The following GPR39 variants were observed in gnomAD, a reference collection of about 807,000 sequenced individuals.
GPR39 encodes the protein zinc sensing receptor.
Under a neutral mutation model 18.4 loss-of-function variants are expected in GPR39, and 23 were observed. That is an observed-to-expected ratio of 1.25 (90% CI 0.90 to 1.77). The LOEUF (loss-of-function observed/expected upper bound fraction) is 1.77. Among genes scored for constraint, GPR39 ranks in the 40% most tolerant of loss-of-function variants. GPR39 has a pLI of 0.00. For missense variants in GPR39, 647 were observed against 602.4 expected (o/e 1.07, Z -0.78); for synonymous variants, 280 against 257.9 (o/e 1.09, Z -0.82).
In GPR39 at chr2:132,468,108, C is replaced by CT. The variant is rs888173993; in HGVS notation, c.856+50219dup. ...CTGATACTTGGCATGATGGGAAATT[C>CT]TTTTTTTTTCTGCTAATATTTGTGC... is the stretch of plus-strand genomic sequence containing the variant. On this transcript the variant is annotated intron_variant, in intron 1 of 1. Coordinates refer to ENST00000329321, the MANE Select transcript of GPR39 (RefSeq NM_001508.3). Among the ~76,000 whole-genome samples, 60 of 151,682 alleles carry CT rather than the reference C, an allele frequency of 4.0e-4. 2 individuals are homozygous for CT. In the South Asian group the frequency reaches 0.012, roughly 31 times the overall value.
intron 1 of GPR39, among the ~76,000 whole-genome samples, chr2:132,539,666 C>T (rs1679827128): frequency 6.6e-6 from 1 of 152,158 alleles, no homozygotes; most frequent in Non-Finnish European, 1.5e-5. Flanking sequence ...TTGGGGAGTG[C>T]TTGCCTGGGT....
intron 1 of GPR39, among the ~76,000 whole-genome samples, chr2:132,591,287 A>AAAAC (rs1680838494): frequency 5.4e-5 from 8 of 147,498 alleles, no homozygotes; most frequent in African/African-American, 1.8e-4. Flanking sequence ...ACAAAAAAAA[A>AAAAC]CAGAGGAACA....
intron 1 of GPR39, among the ~76,000 whole-genome samples, chr2:132,600,757 ATTTCTGAATTC>A (rs1489104006): frequency 3.3e-5 from 5 of 152,204 alleles, no homozygotes; most frequent in African/African-American, 1.2e-4. Flanking sequence ...GGATCACATT[ATTTCTGAATTC>A]TACCAAACTT....
chr2:132,601,447 A>G (rs1421773094), intron 1 of GPR39, among the ~76,000 whole-genome samples: 2 of 152,220 alleles, frequency 1.3e-5, no homozygotes, highest in Non-Finnish European at 1.5e-5. Flanking sequence ...AACATTAGGT[A>G]TAGAAGAAAC....
At chr2:132,632,349 G>A (rs1304874226) in intron 1 of GPR39, among the ~76,000 whole-genome samples, 2 of 152,158 alleles carry the variant, frequency 1.3e-5, no homozygotes, top group African/African-American at 4.8e-5. Flanking sequence ...GCCCTTCCTT[G>A]TCACAGAGAG....
intron 1 of GPR39, among the ~76,000 whole-genome samples, chr2:132,464,974 T>A (rs1680901146): frequency 1.3e-5 from 2 of 152,214 alleles, no homozygotes; most frequent in African/African-American, 2.4e-5. Context: ...CTGTGTCCCT[T>A]AAACCAAGAG....
intron 1 of GPR39, among the ~76,000 whole-genome samples, chr2:132,493,424 G>GCCATATATACACACA (rs1371579818): frequency 0.021 from 2,770 of 131,718 alleles, 119 homozygotes; most frequent in African/African-American, 0.076. Flanking sequence ...ATATACACAC[G>GCCATATATACACACA]CCATATATAC....
rs1558839432 is a variant in GPR39 at position 132,559,596 on chromosome 2, G to A, written c.857-85505G>A. Among the ~76,000 whole-genome samples the A allele has an allele frequency of 5.9e-5, 9 of 152,034 alleles. No homozygotes were observed. In the South Asian group the frequency reaches 1.9e-3, roughly 32 times the overall value. The stretch of plus-strand genomic sequence containing the variant: ...CTCAGGGCAGCAAACAGCTCTCCCG[G>A]CCAGGTCTTGGGAGTAGTCAGAGAG... On this transcript the variant is annotated intron_variant, in intron 1 of 1. Coordinates refer to ENST00000329321, the MANE Select transcript of GPR39 (RefSeq NM_001508.3).
At chr2:132,421,626 C>T (rs1680010838) in intron 1 of GPR39, among the ~76,000 whole-genome samples, 1 of 152,172 alleles carries the variant, frequency 6.6e-6, no homozygotes. Context: ...TGAATATAGA[C>T]ATTATTCATC....
chr2:132,534,023 A>G (rs988618518), intron 1 of GPR39, among the ~76,000 whole-genome samples: 3 of 152,242 alleles, frequency 2.0e-5, no homozygotes, highest in Non-Finnish European at 2.9e-5. Flanking sequence ...GCTTCTGCAC[A>G]GCAAAAGAAA....
chr2:132,594,318 T>C (rs1006158478), intron 1 of GPR39, among the ~76,000 whole-genome samples: 1 of 152,132 alleles, frequency 6.6e-6, no homozygotes, highest in African/African-American at 2.4e-5. Flanking sequence ...TTGGCTAAAA[T>C]GATCTCTCAG....
chr2:132,447,438 A>G (rs1409110827), intron 1 of GPR39, among the ~76,000 whole-genome samples: 3 of 152,158 alleles, frequency 2.0e-5, no homozygotes, highest in African/African-American at 7.2e-5. Flanking sequence ...ATTTTCCTTC[A>G]TTCTTAACTG....
chr2:132,569,522 G>T (rs1332784425), intron 1 of GPR39, among the ~76,000 whole-genome samples: 1 of 151,888 alleles, frequency 6.6e-6, no homozygotes, highest in African/African-American at 2.4e-5. Flanking sequence ...TGGTGGGGAG[G>T]GGGGCTGTGG....
intron 1 of GPR39, among the ~76,000 whole-genome samples, chr2:132,453,610 T>C (rs1680667797): frequency 6.6e-6 from 1 of 152,220 alleles, no homozygotes; most frequent in African/African-American, 2.4e-5. Context: ...TTTTAGGTTT[T>C]AGGTCTAACA....
In GPR39 at chr2:132,558,391, G is replaced by C. The variant is rs138696237; in HGVS notation, c.857-86710G>C. ...CAAGGAATCCCACACACCTCATCCA[G>C]ATACACAGAGGCTCATGACTGAGTC... On this transcript the variant is annotated intron_variant, in intron 1 of 1. Coordinates refer to ENST00000329321, the MANE Select transcript of GPR39 (RefSeq NM_001508.3). Among the ~76,000 whole-genome samples the C allele has an allele frequency of 2.0e-5, 3 of 152,222 alleles. No individual in the cohort carries two copies. In the East Asian group the frequency reaches 5.8e-4, roughly 29 times the overall value.
intron 1 of GPR39, among the ~76,000 whole-genome samples, chr2:132,458,458 TTGTGTGTGTGTGTGTGTG>T (rs57137481): frequency 1.5e-5 from 2 of 132,128 alleles, no homozygotes; most frequent in South Asian, 5.3e-4. Context: ...CTCGGTGTGT[TTGTGTGTGTGTGTGTGTG>T]TGTGTGTGTG....
At chr2:132,495,512 A>G (rs912176876) in intron 1 of GPR39, among the ~76,000 whole-genome samples, 2 of 152,124 alleles carry the variant, frequency 1.3e-5, no homozygotes, top group Non-Finnish European at 2.9e-5. Context: ...GGCTTTTCAG[A>G]CAAGTGCATT....
intron 1 of GPR39, among the ~76,000 whole-genome samples, chr2:132,617,509 C>G (rs1269998775): frequency 6.6e-6 from 1 of 152,052 alleles, no homozygotes; most frequent in African/African-American, 2.4e-5. Flanking sequence ...ATATTAATAA[C>G]TTTATTTTTT....
intron 1 of GPR39, among the ~76,000 whole-genome samples, chr2:132,618,706 G>T (rs1480326890): frequency 1.3e-5 from 2 of 152,144 alleles, no homozygotes; most frequent in African/African-American, 4.8e-5. Context: ...CAAATTATGA[G>T]GCTGCCTGGG....
Sources: allele counts gnomAD v4.1 joint callset (sites outside exome capture counted in the v4.1 genomes callset), GRCh38; gene constraint gnomAD v4.1.1; transcripts MANE v1.5; gene names NCBI Gene and HGNC (gene_info 2026-07-23, HGNC 2026-07-21).